Variants in B3GALT1 observed in about 807,000 individuals in gnomAD.
B3GALT1 encodes the protein beta-1,3-galactosyltransferase 1.
Under a neutral mutation model 23.2 loss-of-function variants are expected in B3GALT1, and 10 were observed. That is an observed-to-expected ratio of 0.43 (90% CI 0.27 to 0.73). The LOEUF (loss-of-function observed/expected upper bound fraction) is 0.73. B3GALT1 is among the 30% of genes least tolerant of loss of function. The probability of loss-of-function intolerance (pLI) is 0.21; values close to 1 mark genes in which losing one functional copy is unlikely to be tolerated. For missense variants in B3GALT1, 299 were observed against 405.4 expected (o/e 0.74, Z 2.25); for synonymous variants, 156 against 141.5 (o/e 1.10, Z -0.73).
chr2:167,631,682 T>A (rs192833614), intron 2 of B3GALT1: 1 of 151,492 alleles, frequency 6.6e-6, no homozygotes, highest in African/African-American at 2.4e-5. Context: ...GTTGTCTTAG[T>A]TGAATAGTAG....
chr2:167,473,957 G>C (rs1024325099), intron 1 of B3GALT1, among the ~76,000 whole-genome samples: 5 of 152,148 alleles, frequency 3.3e-5, no homozygotes, highest in African/African-American at 7.2e-5. Context: ...ACACAGAAGG[G>C]TAAGTGGATA....
Position 167,613,165 on chromosome 2 carries a change from G to A in B3GALT1, c.-409-33744G>A, listed in dbSNP as rs1230846968. Among the ~76,000 whole-genome samples, 4 of 151,956 alleles carry A rather than the reference G, an allele frequency of 2.6e-5. No individual in the cohort carries two copies. The East Asian group carries it at 7.7e-4, about 29-fold the overall frequency. ...TATAAATGTTCACATGCTCAGCATT[G>A]CAGTTCAATCTCTAAGATTTTTATC... is the stretch of plus-strand genomic sequence containing the variant. On this transcript the variant is annotated intron_variant, in intron 2 of 4. Transcript: ENST00000392690.
At chr2:167,858,866 A>C (rs1323853664) in intron 4 of B3GALT1, among the ~76,000 whole-genome samples, 1 of 152,196 alleles carries the variant, frequency 6.6e-6, no homozygotes, top group Non-Finnish European at 1.5e-5. Context: ...CATTCTTTGA[A>C]ATATGATCTA....
Position 167,868,888 on chromosome 2 carries a change from A to G in B3GALT1, c.-152A>G. On this transcript the variant is annotated 5_prime_UTR_variant, in exon 5 of 5. Coordinates refer to ENST00000392690, the MANE Select transcript of B3GALT1 (RefSeq NM_020981.4). Reference sequence around the variant, plus strand: ...AGTAGAATGAGCGCAGAGGTGACAGACAGCCACTGAGGCCCATGGACAATC... The same window carrying G: ...AGTAGAATGAGCGCAGAGGTGACAGGCAGCCACTGAGGCCCATGGACAATC... 1.2e-6 allele frequency: 1 copy of G among 841,594 alleles called. No individual in the cohort carries two copies. The highest frequency in any genetic ancestry group is 1.9e-5 in the South Asian group (1 of 52,490). 52.1% of individuals were successfully genotyped at this position (841,594 alleles called of 1,614,324 possible).
intron 1 of B3GALT1, among the ~76,000 whole-genome samples, chr2:167,354,203 T>C (rs1235807680): frequency 1.3e-5 from 2 of 152,198 alleles, no homozygotes; most frequent in East Asian, 1.9e-4. Context: ...TCCTGACTTA[T>C]CATCAGACAG....
intron 2 of B3GALT1, among the ~76,000 whole-genome samples, chr2:167,506,470 T>C (rs1287260523): frequency 6.6e-6 from 1 of 152,204 alleles, no homozygotes; most frequent in African/African-American, 2.4e-5. Context: ...AAGTGAATGC[T>C]TAGGGAAAAG....
rs537098600 is a variant in B3GALT1 at position 167,327,510 on chromosome 2, T to C, written c.-511+34176T>C. Among the ~76,000 whole-genome samples, 107 of 152,248 alleles carry C rather than the reference T, an allele frequency of 7.0e-4. 1 individual carries two copies. The highest frequency in any genetic ancestry group is 2.6e-3 in the African/African-American group (106 of 41,566). ...TTGTAAATGGTATTGCCTTCTTGAT[T>C]TCTGTTTTGGCTATTTCATTATAGG... On this transcript the variant is annotated intron_variant, in intron 1 of 4. Coordinates refer to ENST00000392690, the MANE Select transcript of B3GALT1 (RefSeq NM_020981.4).
chr2:167,600,495 A>G (rs923504058), intron 2 of B3GALT1, among the ~76,000 whole-genome samples: 6 of 152,156 alleles, frequency 3.9e-5, no homozygotes, highest in South Asian at 2.1e-4. Context: ...CATCACCTCA[A>G]AAAAGAAACC....
At chr2:167,345,006 A>C (rs1697207425) in intron 1 of B3GALT1, among the ~76,000 whole-genome samples, 1 of 152,196 alleles carries the variant, frequency 6.6e-6, no homozygotes, top group African/African-American at 2.4e-5. Flanking sequence ...AAAATGAAGA[A>C]ATAAAAAATC....
intron 3 of B3GALT1, among the ~76,000 whole-genome samples, chr2:167,695,420 A>G (rs1223028759): frequency 6.6e-6 from 1 of 152,186 alleles, no homozygotes; most frequent in South Asian, 2.1e-4. Context: ...TTTGATGAAC[A>G]AGCAAGTTAA....
At chr2:167,461,700 A>T (rs1302764594) in intron 1 of B3GALT1, among the ~76,000 whole-genome samples, 1 of 152,234 alleles carries the variant, frequency 6.6e-6, no homozygotes, top group Non-Finnish European at 1.5e-5. Flanking sequence ...AGTATATTTT[A>T]AATTAGCTAA....
intron 4 of B3GALT1, among the ~76,000 whole-genome samples, chr2:167,823,616 TATTC>T (rs1689154018): frequency 6.6e-6 from 1 of 152,224 alleles, no homozygotes. Context: ...CTCATTTGAA[TATTC>T]ATTATTTCAT....
intron 1 of B3GALT1, among the ~76,000 whole-genome samples, chr2:167,376,578 T>C (rs1400834810): frequency 1.3e-5 from 2 of 152,166 alleles, no homozygotes; most frequent in Admixed American, 1.3e-4. Flanking sequence ...GGAGGTTGTG[T>C]ATTTTCAGAA....
intron 1 of B3GALT1, among the ~76,000 whole-genome samples, chr2:167,471,126 A>C (rs1699413814): frequency 6.6e-6 from 1 of 152,304 alleles, no homozygotes; most frequent in Non-Finnish European, 1.5e-5. Context: ...GGATCAACAA[A>C]ATAAGGAGAC....
At chr2:167,631,681 G>T (rs1210997709) in intron 2 of B3GALT1, 10 of 149,094 alleles carry the variant, frequency 6.7e-5, no homozygotes, top group Non-Finnish European at 1.5e-5. Context: ...AGTTGTCTTA[G>T]TTGAATAGTA....
chr2:167,809,380 T>G lies in B3GALT1; in HGVS notation c.-351-9292T>G, dbSNP rs563556221. 3.3e-5 allele frequency among the ~76,000 whole-genome samples: 5 copies of G among 152,288 alleles called. No homozygotes were observed. In the East Asian group the frequency reaches 9.6e-4, roughly 29 times the overall value. On this transcript the variant is annotated intron_variant, in intron 3 of 4. Transcript: ENST00000392690. ...GCACTCTGATTTTTAGAGTTTCCAG[T>G]TTTTCTGCTCTGTTTTTTCCCTATC...
At chr2:167,866,812 A>G (rs1305426385) in intron 4 of B3GALT1, among the ~76,000 whole-genome samples, 2 of 152,220 alleles carry the variant, frequency 1.3e-5, no homozygotes, top group Non-Finnish European at 2.9e-5. Context: ...TAGACTAAGA[A>G]TCAGATACAT....
chr2:167,448,791 G>A (rs912303178), intron 1 of B3GALT1, among the ~76,000 whole-genome samples: 2 of 152,106 alleles, frequency 1.3e-5, no homozygotes, highest in Non-Finnish European at 2.9e-5. Flanking sequence ...GATGAGATTA[G>A]GATTCAGTTT....
intron 1 of B3GALT1, among the ~76,000 whole-genome samples, chr2:167,469,292 T>C (rs1367266933): frequency 2.0e-5 from 3 of 152,206 alleles, no homozygotes; most frequent in Non-Finnish European, 4.4e-5. Flanking sequence ...CAGTTTCTCA[T>C]CTGTGAAATG....
Sources: allele counts gnomAD v4.1 joint callset (sites outside exome capture counted in the v4.1 genomes callset), GRCh38; gene constraint gnomAD v4.1.1; transcripts MANE v1.5; gene names NCBI Gene and HGNC (gene_info 2026-07-23, HGNC 2026-07-21).